Variants in GALNT3 observed in about 807,000 individuals in gnomAD.
The protein encoded by GALNT3 is GalNAc transferase 3.
Under a neutral mutation model 69.8 loss-of-function variants are expected in GALNT3, and 51 were observed. The observed-to-expected ratio is 0.73, with a 90% CI of 0.58 to 0.92. The LOEUF is 0.92. GALNT3 is among the 40% of genes least tolerant of loss of function. GALNT3 has a pLI of 0.00. For missense variants in GALNT3, 711 were observed against 760.0 expected, an observed-to-expected ratio of 0.94 and a Z score of 0.76; for synonymous variants, 265 against 248.5, an observed-to-expected ratio of 1.07 and a Z score of -0.63.
chr2:165,760,488 G>T (rs1230587039), intron 4 of GALNT3, among the ~76,000 whole-genome samples: 1 of 152,190 alleles, frequency 6.6e-6, no homozygotes, highest in Non-Finnish European at 1.5e-5. Context: ...TGGTCCGGGA[G>T]GACCGTCAGA....
Position 165,754,622 on chromosome 2 carries a change from C to A in GALNT3, c.1626+5G>T. 6.3e-7 allele frequency: 1 copy of A among 1,599,756 alleles called. No homozygotes were observed. The highest frequency in any genetic ancestry group is 8.6e-7 in the Non-Finnish European group (1 of 1,167,336). On this transcript the variant is annotated splice_donor_5th_base_variant and intron_variant, in intron 9 of 10. Coordinates refer to ENST00000392701, the MANE Select transcript of GALNT3 (RefSeq NM_004482.4). ...CAAGTGAAGGATTTTTAATGCAGTGCTCACCTGGTTTCCCCCAAGTCCATG... is the reference window on the plus strand; with the variant it reads ...CAAGTGAAGGATTTTTAATGCAGTGATCACCTGGTTTCCCCCAAGTCCATG...
intron 1 of GALNT3, among the ~76,000 whole-genome samples, chr2:165,791,530 A>T (rs74580462): frequency 6.6e-6 from 1 of 152,162 alleles, no homozygotes; most frequent in Non-Finnish European, 1.5e-5. Flanking sequence ...TGGAGTTTAC[A>T]GAGTTGAGGC....
Position 165,770,304 on chromosome 2 carries a change from A to C in GALNT3, c.397T>G (p.Leu133Val), listed in dbSNP as rs763127846. The change falls in exon 2 of 11, where the codon TTA (leucine) becomes GTA (valine). Residue 133 changes from leucine to valine, a missense_variant. Transcript: ENST00000392701. ...TTTTCCTTTTGCTCTTCAACACTTAAATTGGTTGTCTTGAATGCTTTACCA... is the reference window on the plus strand; with the variant it reads ...TTTTCCTTTTGCTCTTCAACACTTACATTGGTTGTCTTGAATGCTTTACCA... Reference protein sequence around the residue: ...ASGKAFKTTNLSVEEQKEKER... With the variant: ...ASGKAFKTTNVSVEEQKEKER... 1 of 1,614,134 alleles carries C rather than the reference A, an allele frequency of 6.2e-7. No individual in the cohort carries two copies. Among genetic ancestry groups the C allele is most frequent in the Admixed American group, 1.7e-5 (1 of 60,006 alleles).
intron 1 of GALNT3, among the ~76,000 whole-genome samples, chr2:165,785,695 G>C (rs977639292): frequency 6.6e-6 from 1 of 152,138 alleles, no homozygotes; most frequent in African/African-American, 2.4e-5. Context: ...AAAAACAAAA[G>C]TCATAGTATC....
At chr2:165,759,827 A>C (rs1284389457) in intron 4 of GALNT3, among the ~76,000 whole-genome samples, 1 of 152,218 alleles carries the variant, frequency 6.6e-6, no homozygotes, top group African/African-American at 2.4e-5. Context: ...TAATTAACAT[A>C]TCCATCACCT....
chr2:165,776,290 T>C (rs988340974), intron 1 of GALNT3, among the ~76,000 whole-genome samples: 3 of 152,136 alleles, frequency 2.0e-5, no homozygotes, highest in African/African-American at 7.2e-5. Flanking sequence ...AAATCTCTCC[T>C]ACAGTCAACT....
intron 1 of GALNT3, among the ~76,000 whole-genome samples, chr2:165,773,277 G>A (rs1164311613): frequency 6.6e-6 from 1 of 152,138 alleles, no homozygotes; most frequent in African/African-American, 2.4e-5. Context: ...AGACCTGATG[G>A]TTTTATAAAT....
In GALNT3 at chr2:165,769,407, AAATAATAAT is replaced by A. The variant is rs35161167; in HGVS notation, c.515+770_515+778del. Among the ~76,000 whole-genome samples the A allele has an allele frequency of 1.4e-3, 188 of 131,382 alleles. 2 individuals are homozygous for A. In the East Asian group the frequency reaches 0.025, roughly 17 times the overall value. The allele number at this position is 131,382 out of a possible 152,430, so 86.2% of individuals were successfully genotyped here. A position where few individuals can be genotyped will look rare whatever the true frequency, so the allele number is the denominator to read the frequency against. On this transcript the variant is annotated intron_variant, in intron 2 of 10. Transcript: ENST00000392701. ...AGTGAAAGAGAAAGACTCCATCTCA[AAATAATAAT>A]AATAATAATAATAATAATAATAATA...
chr2:165,784,031 T>C (rs1323586866), intron 1 of GALNT3, among the ~76,000 whole-genome samples: 1 of 152,192 alleles, frequency 6.6e-6, no homozygotes, highest in Non-Finnish European at 1.5e-5. Flanking sequence ...GAAAAGCTCC[T>C]TTAATGTAAA....
chr2:165,766,544 A>T (rs1158096833), intron 2 of GALNT3, among the ~76,000 whole-genome samples: 1 of 142,320 alleles, frequency 7.0e-6, no homozygotes, highest in African/African-American at 2.5e-5. Flanking sequence ...ATTAAATGAA[A>T]GAACATATAG....
chr2:165,793,048 C>G (rs537122551), intron 1 of GALNT3, among the ~76,000 whole-genome samples: 3 of 152,052 alleles, frequency 2.0e-5, no homozygotes, highest in Admixed American at 6.6e-5. Flanking sequence ...GTTCTTAAAA[C>G]AGAAATAGTT....
intron 3 of GALNT3, among the ~76,000 whole-genome samples, chr2:165,763,379 C>A (rs1451470878): frequency 2.0e-5 from 3 of 152,056 alleles, no homozygotes; most frequent in African/African-American, 7.2e-5. Flanking sequence ...TTATTTAAAG[C>A]TTAAACATTC....
chr2:165,765,098 AT>A, intron 2 of GALNT3, 42 bp from the exon 3 acceptor site: 1 of 1,514,976 alleles, frequency 6.6e-7, no homozygotes, highest in South Asian at 1.1e-5. Flanking sequence ...TACAAATTTT[AT>A]TATTTTATTT....
intron 9 of GALNT3, among the ~76,000 whole-genome samples, chr2:165,754,142 C>T (rs562384512): frequency 1.9e-4 from 28 of 151,024 alleles, no homozygotes; most frequent in Non-Finnish European, 3.2e-4. Context: ...CAGGCTGGAC[C>T]GCAATTGTGT....
chr2:165,768,296 C>T (rs1276489930), intron 2 of GALNT3, among the ~76,000 whole-genome samples: 6 of 152,120 alleles, frequency 3.9e-5, no homozygotes, highest in Admixed American at 6.5e-5. Flanking sequence ...ATTATTGCAG[C>T]TTCTTAATGC....
At chr2:165,765,234 C>A (rs1688617716) in intron 2 of GALNT3, among the ~76,000 whole-genome samples, 178 bp from the exon 3 acceptor site, 1 of 152,048 alleles carries the variant, frequency 6.6e-6, no homozygotes, top group Non-Finnish European at 1.5e-5. Context: ...AATTTTTTTA[C>A]AAGCAAATCA....
At chr2:165,772,650 G>A (rs948770299) in intron 1 of GALNT3, among the ~76,000 whole-genome samples, 7 of 142,922 alleles carry the variant, frequency 4.9e-5, no homozygotes, top group African/African-American at 1.8e-4. Context: ...GTTAAGGAAA[G>A]TTTCCTAGAG....
At chr2:165,750,484 T>A (rs1573993914) in intron 9 of GALNT3, among the ~76,000 whole-genome samples, 1 of 152,258 alleles carries the variant, frequency 6.6e-6, no homozygotes, top group East Asian at 1.9e-4. Flanking sequence ...AAGTAATTCG[T>A]CCCTTAGCTG....
chr2:165,761,875 T>C lies in GALNT3; in HGVS notation c.838+30A>G, dbSNP rs769568212. ...ATTAGAGGGAGAGGGAGGGAAAATG[T>C]TACAACCATATCCATACATATATAC... On this transcript the variant is annotated intron_variant, in intron 4 of 10. Transcript: ENST00000392701. The C allele has an allele frequency of 1.6e-5, 26 of 1,611,760 alleles. 1 individual carries two copies. The Admixed American group carries it at 3.5e-4, about 22-fold the overall frequency.
Sources: allele counts gnomAD v4.1 joint callset (sites outside exome capture counted in the v4.1 genomes callset), GRCh38; gene constraint gnomAD v4.1.1; transcripts MANE v1.5; gene names NCBI Gene and HGNC (gene_info 2026-07-23, HGNC 2026-07-21).